Variants in NLGN1 observed in about 807,000 individuals in gnomAD.
NLGN1 encodes neuroligin 1, also known as neuroligin-1.
NLGN1 carries 12 observed loss-of-function variants against 65.5 expected under a neutral mutation model. The ratio of observed to expected loss-of-function variants is 0.18; its 90% confidence interval spans 0.12 to 0.30. The LOEUF is 0.30. Ranked by LOEUF, NLGN1 falls within the 10% of genes least tolerant of loss-of-function variation. The probability of loss-of-function intolerance (pLI) is 1.00; values close to 1 mark genes in which losing one functional copy is unlikely to be tolerated. For synonymous variants in NLGN1, 350 were observed against 359.5 expected, an observed-to-expected ratio of 0.97 and a Z score of 0.30; for missense variants, 750 against 1,007.1, an observed-to-expected ratio of 0.74 and a Z score of 3.46.
At chr3:173,964,131 G>A (rs1194602708) in intron 4 of NLGN1, among the ~76,000 whole-genome samples, 1 of 152,138 alleles carries the variant, frequency 6.6e-6, no homozygotes, top group Non-Finnish European at 1.5e-5. Context: ...CACATCCTAT[G>A]TGTGGAGAGA....
intron 4 of NLGN1, among the ~76,000 whole-genome samples, chr3:173,907,582 C>G (rs1439180870): frequency 1.7e-5 from 2 of 120,720 alleles, no homozygotes; most frequent in Non-Finnish European, 3.4e-5. Context: ...CTCTCTCTCT[C>G]TTTTTTTTTT....
chr3:173,823,605 T>A (rs966617230), intron 4 of NLGN1, among the ~76,000 whole-genome samples: 2 of 151,894 alleles, frequency 1.3e-5, no homozygotes, highest in African/African-American at 4.8e-5. Flanking sequence ...TTAAAAAAAA[T>A]TAAATCAACT....
chr3:174,277,091 A>G (rs771597933), intron 5 of NLGN1, among the ~76,000 whole-genome samples: 1 of 152,062 alleles, frequency 6.6e-6, no homozygotes, highest in Non-Finnish European at 1.5e-5. Context: ...TGAAAATACA[A>G]CATTTTATTA....
At chr3:173,962,583 C>G (rs1218673893) in intron 4 of NLGN1, among the ~76,000 whole-genome samples, 1 of 152,048 alleles carries the variant, frequency 6.6e-6, no homozygotes, top group African/African-American at 2.4e-5. Context: ...TCAAATATTT[C>G]CTAACTTAGT....
intron 2 of NLGN1, among the ~76,000 whole-genome samples, chr3:173,465,098 C>T (rs12497368): frequency 0.48 from 72,446 of 151,998 alleles, 19,662 homozygotes; most frequent in East Asian, 0.84. Context: ...AGGCATTTCT[C>T]GCAGAGGAAT....
intron 2 of NLGN1, among the ~76,000 whole-genome samples, chr3:173,532,078 A>G (rs1358306196): frequency 6.6e-6 from 1 of 152,164 alleles, no homozygotes; most frequent in Admixed American, 6.5e-5. Context: ...TAACTCATGA[A>G]TTCGCCAAAG....
chr3:174,285,251 ATT>A (rs1751977511), exon 7 of NLGN1: 1 of 151,404 alleles, frequency 6.6e-6, no homozygotes, highest in Non-Finnish European at 1.5e-5. Context: ...GATGTTAGTA[ATT>A]TTGTTTTCTT....
chr3:173,582,312 T>C (rs1746526039), intron 2 of NLGN1, among the ~76,000 whole-genome samples: 1 of 152,064 alleles, frequency 6.6e-6, no homozygotes, highest in South Asian at 2.1e-4. Context: ...TACTGTTTTT[T>C]TCTCTTTCAA....
chr3:173,906,878 CAAA>C (rs1224471514), intron 4 of NLGN1, among the ~76,000 whole-genome samples: 10 of 88,264 alleles, frequency 1.1e-4, no homozygotes, highest in African/African-American at 3.1e-4. Context: ...CAAACAAAAA[CAAA>C]AAAAAAAAAA....
intron 1 of NLGN1, among the ~76,000 whole-genome samples, chr3:173,400,164 T>C (rs1043154273): frequency 1.1e-4 from 16 of 152,236 alleles, no homozygotes; most frequent in African/African-American, 3.9e-4. Flanking sequence ...TCCATCTTAC[T>C]GGATTGTCAA....
At chr3:173,774,715 A>G (rs963637133) in intron 3 of NLGN1, among the ~76,000 whole-genome samples, 2 of 152,058 alleles carry the variant, frequency 1.3e-5, no homozygotes, top group African/African-American at 2.4e-5. Context: ...TGTCTTCCCA[A>G]CATTCTTTGT....
intron 4 of NLGN1, among the ~76,000 whole-genome samples, chr3:174,045,629 A>G (rs1205085671): frequency 2.0e-5 from 3 of 152,150 alleles, no homozygotes; most frequent in Non-Finnish European, 4.4e-5. Context: ...ATTAGCTAAG[A>G]TTGCTTCTAC....
chr3:173,619,375 A>C (rs1753638446), intron 3 of NLGN1, among the ~76,000 whole-genome samples: 1 of 152,132 alleles, frequency 6.6e-6, no homozygotes, highest in Non-Finnish European at 1.5e-5. Flanking sequence ...GCACTTGTTC[A>C]TTATCTGATC....
chr3:173,806,712 A>T (rs947993502), intron 3 of NLGN1, among the ~76,000 whole-genome samples: 1 of 152,150 alleles, frequency 6.6e-6, no homozygotes, highest in Non-Finnish European at 1.5e-5. Flanking sequence ...CATTTTTCAT[A>T]CTGATTAAAA....
chr3:174,267,185 G>A (rs1390632108), intron 4 of NLGN1, among the ~76,000 whole-genome samples: 1 of 152,162 alleles, frequency 6.6e-6, no homozygotes, highest in African/African-American at 2.4e-5. Context: ...AATTTATAAA[G>A]CAAAAAGATT....
At chr3:174,161,977 C>T (rs115803421) in intron 4 of NLGN1, among the ~76,000 whole-genome samples, 1,551 of 151,962 alleles carry the variant, frequency 0.01, 34 homozygotes, top group African/African-American at 0.035. Flanking sequence ...GTTGGAAGAG[C>T]TTAACATGGA....
intron 4 of NLGN1, among the ~76,000 whole-genome samples, chr3:174,014,331 GT>G (rs1726127091): frequency 6.6e-6 from 1 of 152,094 alleles, no homozygotes; most frequent in South Asian, 2.1e-4. Flanking sequence ...CCATTTTAAT[GT>G]TTTTACTTTA....
chr3:174,120,540 T>G (rs7642433), intron 4 of NLGN1, among the ~76,000 whole-genome samples: 20,130 of 151,916 alleles, frequency 0.13, 1,537 homozygotes, highest in African/African-American at 0.2. Flanking sequence ...TACTAATTTA[T>G]TACTAGTTCC....
At chr3:173,536,723 T>C (rs1195401728) in intron 2 of NLGN1, among the ~76,000 whole-genome samples, 1 of 152,186 alleles carries the variant, frequency 6.6e-6, no homozygotes, top group Non-Finnish European at 1.5e-5. Context: ...ACTCTCCAGA[T>C]AATCAAAGCC....
Sources: gnomAD v4.1 joint callset for allele counts (sites outside exome capture counted in the v4.1 genomes callset) on GRCh38, gnomAD v4.1.1 for gene constraint, MANE v1.5 for transcripts, NCBI Gene and HGNC (gene_info 2026-07-23, HGNC 2026-07-21) for gene names.